The following RARB variants were observed in gnomAD, a reference collection of about 807,000 sequenced individuals.
RARB encodes retinoic acid receptor beta, also known as HBV-activated protein.
A neutral mutation model predicts 51.9 loss-of-function variants in RARB; 17 were observed. The observed-to-expected ratio is 0.33, with a 90% CI of 0.22 to 0.49. The LOEUF is 0.49. Among genes scored for constraint, RARB ranks in the 20% least tolerant of loss-of-function variants. The pLI is 0.99. For synonymous variants in RARB, 215 were observed against 195.4 expected (o/e 1.10, Z -0.84); for missense variants, 369 against 550.8 (o/e 0.67, Z 3.30).
intron 5 of RARB, among the ~76,000 whole-genome samples, chr3:25,210,278 A>G (rs1701659788): frequency 6.6e-6 from 1 of 152,050 alleles, no homozygotes; most frequent in Non-Finnish European, 1.5e-5. Flanking sequence ...GTCCCAATAC[A>G]CCCTGTGCAG....
intron 3 of RARB, among the ~76,000 whole-genome samples, chr3:25,060,691 G>A (rs531818530): frequency 1.6e-4 from 24 of 151,970 alleles, no homozygotes; most frequent in African/African-American, 5.5e-4. Flanking sequence ...TGAAGCTGAA[G>A]GGGAAACATA....
intron 2 of RARB, among the ~76,000 whole-genome samples, chr3:24,928,491 T>A (rs979402447): frequency 4.6e-5 from 7 of 152,094 alleles, no homozygotes; most frequent in African/African-American, 1.2e-4. Flanking sequence ...TTCTTTTATT[T>A]TAAAAGATTA....
intron 3 of RARB, among the ~76,000 whole-genome samples, chr3:25,080,722 C>G (rs920124158): frequency 5.9e-5 from 9 of 152,202 alleles, no homozygotes; most frequent in African/African-American, 2.2e-4. Context: ...TTGGAGAAAT[C>G]TATATTTAAG....
chr3:25,099,086 G>T (rs1439569037), intron 3 of RARB, among the ~76,000 whole-genome samples: 1 of 152,170 alleles, frequency 6.6e-6, no homozygotes. Context: ...GTGCAAGAGG[G>T]AGTCTGTGAG....
chr3:25,570,016 A>G (rs966299460), intron 4 of RARB, 98 bp downstream of exon 4: 2 of 1,082,790 alleles, frequency 1.8e-6, no homozygotes, highest in Admixed American at 5.5e-5. Flanking sequence ...ACACACACAC[A>G]CACACTTTGC....
intron 2 of RARB, among the ~76,000 whole-genome samples, chr3:25,489,057 A>G (rs1285085465): frequency 1.3e-5 from 2 of 152,258 alleles, no homozygotes; most frequent in African/African-American, 4.8e-5. Context: ...CTACAAAACA[A>G]CTTCAGAAAG....
chr3:25,401,087 A>G (rs1395486723), intron 5 of RARB, among the ~76,000 whole-genome samples: 1 of 152,142 alleles, frequency 6.6e-6, no homozygotes, highest in African/African-American at 2.4e-5. Flanking sequence ...CAAAAAGCAG[A>G]ATGGAGTTTT....
At chr3:25,516,425 A>ATAAT (rs1698162806) in intron 3 of RARB, among the ~76,000 whole-genome samples, 2 of 152,250 alleles carry the variant, frequency 1.3e-5, no homozygotes, top group East Asian at 3.9e-4. Flanking sequence ...TCTTTTTTCC[A>ATAAT]TAATTAAAAA....
intron 2 of RARB, among the ~76,000 whole-genome samples, chr3:24,987,348 G>A (rs1696816261): frequency 6.6e-6 from 1 of 152,134 alleles, no homozygotes; most frequent in African/African-American, 2.4e-5. Context: ...ATTCTAATGG[G>A]AAAGTAGTTT....
Position 25,416,824 on chromosome 3 carries a change from C to G in RARB, c.179-44369C>G, listed in dbSNP as rs544443867. ...GGCACGTCACTCGTTTTGTCATGGA[C>G]TTCTATGGGGCACTCAGCAATGTGT... On this transcript the variant is annotated intron_variant, in intron 5 of 11. Transcript: ENST00000383772. Among the ~76,000 whole-genome samples, 4 of 152,330 alleles carry G rather than the reference C, an allele frequency of 2.6e-5. No individual in the cohort carries two copies. The South Asian group carries it at 6.2e-4, about 24-fold the overall frequency.
At chr3:25,562,012 T>G (rs1414883243) in intron 3 of RARB, among the ~76,000 whole-genome samples, 1 of 113,894 alleles carries the variant, frequency 8.8e-6, no homozygotes, top group Non-Finnish European at 1.7e-5. Flanking sequence ...CTCAACTTTT[T>G]TACCCTGCTC....
At chr3:25,461,058 G>A in intron 1 of RARB, 135 bp from the exon 2 acceptor site, 1 of 1,001,824 alleles carries the variant, frequency 1.0e-6, no homozygotes, top group African/African-American at 1.6e-5. Context: ...TACAATGACA[G>A]CTGTTTTTAT....
chr3:25,379,033 C>T (rs1706548984), intron 5 of RARB, among the ~76,000 whole-genome samples: 1 of 152,216 alleles, frequency 6.6e-6, no homozygotes, highest in Non-Finnish European at 1.5e-5. Flanking sequence ...CATAACAACA[C>T]TCGGCAACAG....
chr3:24,903,247 G>C (rs1181598862), intron 2 of RARB, among the ~76,000 whole-genome samples: 2 of 151,896 alleles, frequency 1.3e-5, no homozygotes, highest in African/African-American at 2.4e-5. Flanking sequence ...TGATGCATTG[G>C]TACAGAAATA....
intron 3 of RARB, among the ~76,000 whole-genome samples, chr3:25,528,157 G>A (rs757033202): frequency 8.5e-5 from 13 of 152,182 alleles, no homozygotes; most frequent in Admixed American, 4.6e-4. Flanking sequence ...GCCAAGCCTC[G>A]AGTGTTTGGA....
intron 5 of RARB, among the ~76,000 whole-genome samples, chr3:25,378,599 A>C (rs995685882): frequency 6.6e-6 from 1 of 152,244 alleles, no homozygotes; most frequent in African/African-American, 2.4e-5. Flanking sequence ...CTATCATCAT[A>C]AAACCCAACA....
chr3:25,253,703 C>T (rs1379092288), intron 5 of RARB, among the ~76,000 whole-genome samples: 3 of 152,104 alleles, frequency 2.0e-5, no homozygotes, highest in Admixed American at 1.3e-4. Context: ...AAAGCTATAG[C>T]TCACCACAAG....
intron 3 of RARB, among the ~76,000 whole-genome samples, chr3:25,552,108 C>T (rs1179127077): frequency 6.6e-6 from 1 of 151,978 alleles, no homozygotes; most frequent in Admixed American, 6.6e-5. Flanking sequence ...AGCCAATAAT[C>T]ATAGTTGACC....
intron 5 of RARB, among the ~76,000 whole-genome samples, chr3:25,386,630 T>C (rs532514399): frequency 6.6e-6 from 1 of 152,298 alleles, no homozygotes; most frequent in Middle Eastern, 3.4e-3. Flanking sequence ...GCAATATTTG[T>C]TGAATTAAAA....
Sources: gnomAD v4.1 joint callset for allele counts (sites outside exome capture counted in the v4.1 genomes callset) on GRCh38, gnomAD v4.1.1 for gene constraint, MANE v1.5 for transcripts, NCBI Gene and HGNC (gene_info 2026-07-23, HGNC 2026-07-21) for gene names.